OXSR1: variants seen among roughly 807,000 people sequenced by gnomAD.
OXSR1 encodes the protein oxidative stress responsive kinase 1.
OXSR1 carries 24 observed loss-of-function variants against 79.8 expected under a neutral mutation model. The observed-to-expected ratio is 0.30, with a 90% CI of 0.22 to 0.42. The LOEUF (loss-of-function observed/expected upper bound fraction) is 0.42. Ranked by LOEUF, OXSR1 falls within the 10% of genes least tolerant of loss-of-function variation. The pLI is 1.00. For missense variants in OXSR1, 430 were observed against 618.4 expected (o/e 0.70, Z 3.23); for synonymous variants, 226 against 209.2 (o/e 1.08, Z -0.69).
chr3:38,228,995 G>A (rs1332611452), intron 8 of OXSR1, among the ~76,000 whole-genome samples: 1 of 152,212 alleles, frequency 6.6e-6, no homozygotes, highest in Admixed American at 6.5e-5. Context: ...TCAGGTAGGT[G>A]TGTGGCAAAA....
intron 1 of OXSR1, among the ~76,000 whole-genome samples, chr3:38,170,706 G>T: frequency 6.6e-6 from 1 of 152,174 alleles, no homozygotes; most frequent in East Asian, 1.9e-4. Flanking sequence ...CGGGATCCTT[G>T]TTCCTGTATC....
intron 10 of OXSR1, among the ~76,000 whole-genome samples, chr3:38,235,550 T>G (rs1702901622): frequency 6.6e-6 from 1 of 152,132 alleles, no homozygotes; most frequent in African/African-American, 2.4e-5. Context: ...TGAAAGAGTC[T>G]TGAGTACTCA....
intron 13 of OXSR1, 51 bp from the exon 14 acceptor site, chr3:38,247,617 T>TC (rs780778805): frequency 7.6e-7 from 1 of 1,310,970 alleles, no homozygotes; most frequent in South Asian, 1.2e-5. Flanking sequence ...ATTAGTCACC[T>TC]CCCCACTTAA....
chr3:38,201,111 G>A lies in OXSR1; in HGVS notation c.434+2248G>A, dbSNP rs557972860. 6.7e-4 allele frequency among the ~76,000 whole-genome samples: 102 copies of A among 152,008 alleles called. 1 individual carries two copies. Among genetic ancestry groups the A allele is most frequent in the South Asian group, 1.3e-3 (6 of 4,800 alleles). ...TTTTGAAATGGGGTCGTGCTGTGTC[G>A]CCCAGGCTGGTCTTGAGCTCCTGGG... On this transcript the variant is annotated intron_variant, in intron 4 of 17. Transcript: ENST00000311806.
chr3:38,206,332 G>C (rs1040477353), intron 4 of OXSR1, among the ~76,000 whole-genome samples: 1 of 152,118 alleles, frequency 6.6e-6, no homozygotes, highest in African/African-American at 2.4e-5. Flanking sequence ...TCAAGGTAAT[G>C]CTTTTGAAAT....
intron 2 of OXSR1, among the ~76,000 whole-genome samples, chr3:38,186,690 A>T (rs1701892238): frequency 6.6e-6 from 1 of 151,992 alleles, no homozygotes; most frequent in Non-Finnish European, 1.5e-5. Context: ...TATACCACAT[A>T]TTGTTTGTCC....
At chr3:38,252,428 C>G (rs370301817) in intron 17 of OXSR1, 36 bp downstream of exon 17, 2 of 1,353,584 alleles carry the variant, frequency 1.5e-6, no homozygotes, top group Non-Finnish European at 2.1e-6. Context: ...AACATCTTGC[C>G]TTTTATACAC....
rs1284022465 is a variant in OXSR1 at position 38,246,288 on chromosome 3, G to A, written c.1257+67G>A. 8.9e-6 allele frequency: 13 copies of A among 1,454,786 alleles called. No individual in the cohort carries two copies. In the East Asian group the frequency reaches 2.7e-4, roughly 31 times the overall value. The allele number at this position is 1,454,786 out of a possible 1,614,324, so 90.1% of individuals were successfully genotyped here. A position where few individuals can be genotyped will look rare whatever the true frequency, so the allele number is the denominator to read the frequency against. On this transcript the variant is annotated intron_variant, in intron 13 of 17. Coordinates refer to ENST00000311806, the MANE Select transcript of OXSR1 (RefSeq NM_005109.3). ...GATGAAAAGAGCAGATATTAACGTG[G>A]AATATAACCTAATGTAATCAGGTTA...
At chr3:38,174,205 G>C (rs1357160096) in intron 1 of OXSR1, among the ~76,000 whole-genome samples, 3 of 152,176 alleles carry the variant, frequency 2.0e-5, no homozygotes, top group Non-Finnish European at 2.9e-5. Flanking sequence ...GTTGTTGTAG[G>C]AACTTGGCTT....
At chr3:38,241,860 G>A (rs1575370857) in intron 11 of OXSR1, among the ~76,000 whole-genome samples, 1 of 147,680 alleles carries the variant, frequency 6.8e-6, no homozygotes, top group Admixed American at 6.8e-5. Flanking sequence ...TGCTACATTA[G>A]CTATTACCTG....
At position 38,252,324 on chromosome 3, in the gene OXSR1, A is replaced by T. The variant is rs1341932839; in HGVS notation, c.1445-4A>T. 1 of 1,598,306 alleles carries T rather than the reference A, an allele frequency of 6.3e-7. No individual in the cohort carries two copies. The highest frequency in any genetic ancestry group is 2.2e-5 in the East Asian group (1 of 44,808). On this transcript the variant is annotated splice_polypyrimidine_tract_variant and splice_region_variant and intron_variant, in intron 16 of 17. Transcript: ENST00000311806. ...CATTACCTTCTCTGTTTGTATGATT[A>T]CAGTGGCAGCTAATTTGCAGAAAAT...
intron 16 of OXSR1, among the ~76,000 whole-genome samples, chr3:38,252,044 G>A (rs576452491): frequency 6.6e-6 from 1 of 152,206 alleles, no homozygotes; most frequent in Non-Finnish European, 1.5e-5. Flanking sequence ...CTGGCCTTGG[G>A]CTTTCTGATC....
At chr3:38,221,711 T>A in intron 6 of OXSR1, 24 bp downstream of exon 6, 1 of 1,388,524 alleles carries the variant, frequency 7.2e-7, no homozygotes, top group Non-Finnish European at 1.0e-6. Context: ...TTTTCTGTTT[T>A]AAATGGGTTA....
At chr3:38,221,534 T>C in intron 5 of OXSR1, 44 bp from the exon 6 acceptor site, 1 of 980,818 alleles carries the variant, frequency 1.0e-6, no homozygotes, top group Non-Finnish European at 1.6e-6. Context: ...TCATTTATGA[T>C]AGTTGATGCA....
At chr3:38,234,794 A>G (rs1361572681) in intron 10 of OXSR1, among the ~76,000 whole-genome samples, 1 of 152,394 alleles carries the variant, frequency 6.6e-6, no homozygotes, top group African/African-American at 2.4e-5. Context: ...CGCTGCTCAT[A>G]GCAGCATTAT....
intron 1 of OXSR1, among the ~76,000 whole-genome samples, chr3:38,169,904 G>GT (rs945186416): frequency 6.6e-6 from 1 of 151,540 alleles, no homozygotes; most frequent in African/African-American, 2.4e-5. Flanking sequence ...TAATTTTTGT[G>GT]TTTTTTGTAG....
At chr3:38,224,969 A>C (rs1575353801) in intron 8 of OXSR1, 1 of 200,510 alleles carries the variant, frequency 5.0e-6, no homozygotes, top group African/African-American at 2.3e-5. Context: ...ATAAATGCCA[A>C]GTTAGTGGAG....
At chr3:38,204,491 A>G (rs1459749455) in intron 4 of OXSR1, among the ~76,000 whole-genome samples, 1 of 151,992 alleles carries the variant, frequency 6.6e-6, no homozygotes, top group Non-Finnish European at 1.5e-5. Context: ...GTCCACAGCA[A>G]GTACAGCTTG....
At chr3:38,197,197 G>C (rs779233996) in intron 3 of OXSR1, among the ~76,000 whole-genome samples, 2 of 152,230 alleles carry the variant, frequency 1.3e-5, no homozygotes, top group African/African-American at 2.4e-5. Flanking sequence ...GAAAGAACCA[G>C]TGTAATAATG....
Sources: allele counts gnomAD v4.1 joint callset (sites outside exome capture counted in the v4.1 genomes callset), GRCh38; gene constraint gnomAD v4.1.1; transcripts MANE v1.5; gene names NCBI Gene and HGNC (gene_info 2026-07-23, HGNC 2026-07-21).